EEFSEC: variants seen among roughly 807,000 people sequenced by gnomAD.
EEFSEC encodes selenocysteine-specific elongation factor.
EEFSEC carries 43 observed loss-of-function variants against 42.1 expected under a neutral mutation model. The observed-to-expected ratio is 1.02, with a 90% CI of 0.80 to 1.32. The LOEUF is 1.32. Among genes scored for constraint, EEFSEC ranks in the 40% most tolerant of loss-of-function variants. EEFSEC has a pLI of 0.00. For synonymous variants in EEFSEC, 354 were observed against 339.1 expected (o/e 1.04, Z -0.48); for missense variants, 745 against 803.6 (o/e 0.93, Z 0.88).
At chr3:128,415,445 G>A in the EEFSEC span, among the ~76,000 whole-genome samples, 1 of 137,924 alleles carries the variant, frequency 7.3e-6, no homozygotes, top group Non-Finnish European at 1.5e-5. Flanking sequence ...TAATGGGTGT[G>A]GCATGAGATG....
At chr3:128,399,881 C>G (rs2068028924) in intron 6 of EEFSEC, among the ~76,000 whole-genome samples, 1 of 152,186 alleles carries the variant, frequency 6.6e-6, no homozygotes, top group Non-Finnish European at 1.5e-5. Context: ...CTGCCCTGCC[C>G]TGCTAGCAGG....
intron 6 of EEFSEC, among the ~76,000 whole-genome samples, chr3:128,390,624 A>G: frequency 6.6e-6 from 1 of 152,174 alleles, no homozygotes; most frequent in East Asian, 1.9e-4. Context: ...GAAGCGACAC[A>G]GGACACAGCG....
chr3:128,244,673 C>T (rs984741483), intron 1 of EEFSEC, among the ~76,000 whole-genome samples: 3 of 152,184 alleles, frequency 2.0e-5, no homozygotes, highest in African/African-American at 7.2e-5. Flanking sequence ...TCTTTGGTCT[C>T]CCAGCAGACA....
rs1404936122 is a variant in EEFSEC at position 128,326,517 on chromosome 3, TG to T, written c.787-14714del. On this transcript the variant is annotated intron_variant, in intron 4 of 6. Transcript: ENST00000254730. ...GGCATTCTGGCTTCTCATCTTATGG[TG>T]GTGGCTTCCAGGTGTTGCTGGGGAA... Among the ~76,000 whole-genome samples the T allele has an allele frequency of 9.9e-5, 15 of 152,146 alleles. 1 individual carries two copies. Among genetic ancestry groups the T allele is most frequent in the Admixed American group, 9.8e-4 (15 of 15,282 alleles).
chr3:128,178,173 T>G (rs1176179084), intron 1 of EEFSEC, among the ~76,000 whole-genome samples: 1 of 152,206 alleles, frequency 6.6e-6, no homozygotes, highest in African/African-American at 2.4e-5. Flanking sequence ...CAGTGAAGGT[T>G]TTATTATTTT....
At chr3:128,154,627 T>C (rs1944339368) in intron 1 of EEFSEC, among the ~76,000 whole-genome samples, 1 of 152,106 alleles carries the variant, frequency 6.6e-6, no homozygotes, top group Non-Finnish European at 1.5e-5. Flanking sequence ...TTTTTTTGTA[T>C]TTTCAGTAGA....
chr3:128,319,236 C>T (rs1370420299), intron 4 of EEFSEC, among the ~76,000 whole-genome samples: 1 of 152,184 alleles, frequency 6.6e-6, no homozygotes, highest in Non-Finnish European at 1.5e-5. Flanking sequence ...AGCAGGCCAG[C>T]GGGCGGGAGC....
intron 1 of EEFSEC, among the ~76,000 whole-genome samples, chr3:128,245,051 G>GC (rs1187576462): frequency 1.3e-5 from 2 of 152,322 alleles, no homozygotes; most frequent in East Asian, 3.9e-4. Context: ...AAGATTATGT[G>GC]CCTCTGCAGA....
rs754213200 is a variant in EEFSEC at position 128,246,921 on chromosome 3, C to A, written c.402C>A (p.Gly134=). 6 of 1,614,192 alleles carry A rather than the reference C, an allele frequency of 3.7e-6. No homozygotes were observed. The Admixed American group carries it at 8.3e-5, about 22-fold the overall frequency. Residue 134 remains glycine, a synonymous_variant, in exon 2 of 7, where the codon GGC becomes GGA. Transcript: ENST00000254730. Reference sequence around the variant, plus strand: ...AGTCAGCGGAATGCCTTGTGATCGGCCAGATTGCCTGCCAGAAGCTGGTCG... The same window carrying A: ...AGTCAGCGGAATGCCTTGTGATCGGACAGATTGCCTGCCAGAAGCTGGTCG... ...QTQSAECLVI[G]QIACQKLVVV...
At chr3:128,160,161 A>G (rs936549893) in intron 1 of EEFSEC, among the ~76,000 whole-genome samples, 1 of 152,256 alleles carries the variant, frequency 6.6e-6, no homozygotes, top group African/African-American at 2.4e-5. Context: ...GTAGTGAATT[A>G]TGCAGGTTGG....
At chr3:128,270,865 C>T (rs929963081) in intron 4 of EEFSEC, among the ~76,000 whole-genome samples, 24 of 152,170 alleles carry the variant, frequency 1.6e-4, no homozygotes, top group African/African-American at 5.3e-4. Context: ...GTGCCCCGTC[C>T]TCTGTGCTGC....
At chr3:128,328,615 G>C (rs1190764154) in intron 4 of EEFSEC, among the ~76,000 whole-genome samples, 1 of 152,200 alleles carries the variant, frequency 6.6e-6, no homozygotes, top group Non-Finnish European at 1.5e-5. Flanking sequence ...TAGAGAGAAA[G>C]TCAGTTCTTA....
At chr3:128,196,371 A>G (rs1055543148) in intron 1 of EEFSEC, among the ~76,000 whole-genome samples, 1 of 152,238 alleles carries the variant, frequency 6.6e-6, no homozygotes, top group Admixed American at 6.5e-5. Context: ...TGTTGTGCGT[A>G]TCATGGGATG....
chr3:128,203,582 T>C (rs980945930), intron 1 of EEFSEC, among the ~76,000 whole-genome samples: 2 of 152,180 alleles, frequency 1.3e-5, no homozygotes, highest in African/African-American at 2.4e-5. Flanking sequence ...AAGTAAATCA[T>C]CTGCTGCAGG....
chr3:128,156,135 A>T (rs1242133834), intron 1 of EEFSEC, among the ~76,000 whole-genome samples: 2 of 152,248 alleles, frequency 1.3e-5, no homozygotes, highest in Non-Finnish European at 2.9e-5. Flanking sequence ...GGAGTCAGAC[A>T]AAACTGGGCT....
At position 128,341,639 on chromosome 3, in the gene EEFSEC, C is replaced by A. The variant is rs559723756; in HGVS notation, c.1193C>A (p.Ala398Asp). The A allele has an allele frequency of 1.1e-5, 17 of 1,614,104 alleles. No individual in the cohort carries two copies. The South Asian group carries it at 1.8e-4, about 17-fold the overall frequency. Residue 398 changes from alanine to aspartate, a missense_variant, in exon 5 of 7, where the codon GCC (alanine) becomes GAC (aspartate). Transcript: ENST00000254730. ...VTDNDEADKK[A>D]GQATEGHCPR... Reference sequence around the variant, plus strand: ...GACAATGATGAGGCCGACAAGAAGGCCGGCCAGGCCACAGAGGGCCATTGT... The same window carrying A: ...GACAATGATGAGGCCGACAAGAAGGACGGCCAGGCCACAGAGGGCCATTGT...
At chr3:128,266,348 C>T (rs1207372277) in intron 4 of EEFSEC, among the ~76,000 whole-genome samples, 1 of 152,102 alleles carries the variant, frequency 6.6e-6, no homozygotes, top group African/African-American at 2.4e-5. Flanking sequence ...AGGGTCCCTA[C>T]TGGCACCCAT....
intron 5 of EEFSEC, among the ~76,000 whole-genome samples, chr3:128,345,004 C>T (rs1236545551): frequency 2.0e-5 from 3 of 152,200 alleles, no homozygotes; most frequent in Admixed American, 6.5e-5. Flanking sequence ...ATTTTCAGGT[C>T]ATCTTGCTTG....
intron 6 of EEFSEC, among the ~76,000 whole-genome samples, chr3:128,370,561 G>A (rs753454441): frequency 2.0e-5 from 3 of 152,124 alleles, no homozygotes; most frequent in Non-Finnish European, 4.4e-5. Flanking sequence ...ATCCCCATGG[G>A]GCTAAGCCAG....
Sources: gnomAD v4.1 joint callset for allele counts (sites outside exome capture counted in the v4.1 genomes callset) on GRCh38, gnomAD v4.1.1 for gene constraint, MANE v1.5 for transcripts, NCBI Gene and HGNC (gene_info 2026-07-23, HGNC 2026-07-21) for gene names.